UBE2L3: variants seen among roughly 807,000 people sequenced by gnomAD.
UBE2L3 encodes the protein ubiquitin-conjugating enzyme E2 L3.
A neutral mutation model predicts 17.8 loss-of-function variants in UBE2L3; 1 was observed. The observed-to-expected ratio is 0.06, with a 90% CI of 0.02 to 0.27. The LOEUF (loss-of-function observed/expected upper bound fraction) is 0.27, where lower values mean the gene tolerates loss of function less well. Among genes scored for constraint, UBE2L3 ranks in the 10% least tolerant of loss-of-function variants. The pLI is 1.00. For missense variants in UBE2L3, 40 were observed against 192.6 expected (o/e 0.21, Z 4.69); for synonymous variants, 44 against 68.5 (o/e 0.64, Z 1.76).
intron 1 of UBE2L3, among the ~76,000 whole-genome samples, chr22:21,556,483 G>A (rs1926229989): frequency 6.6e-6 from 1 of 152,256 alleles, no homozygotes; most frequent in Non-Finnish European, 1.5e-5. Context: ...AGGCTGGAGT[G>A]CAGTGGCGTG....
chr22:21,568,050 C>T, intron 1 of UBE2L3: 4 of 1,279,634 alleles, frequency 3.1e-6, no homozygotes, highest in African/African-American at 3.1e-5. Context: ...CCGCGTCCCC[C>T]TGTCGCGGAG....
intron 1 of UBE2L3, among the ~76,000 whole-genome samples, chr22:21,584,235 T>TG (rs1927811906): frequency 1.4e-5 from 2 of 147,598 alleles, no homozygotes; most frequent in African/African-American, 5.0e-5. Context: ...TGGAGTGCAG[T>TG]GGGGTGATCT....
At chr22:21,608,607 TAG>T (rs1929302167) in intron 2 of UBE2L3, among the ~76,000 whole-genome samples, 1 of 151,990 alleles carries the variant, frequency 6.6e-6, no homozygotes, top group African/African-American at 2.4e-5. Flanking sequence ...GTATTTTTAG[TAG>T]AGACAGGGTT....
intron 2 of UBE2L3, among the ~76,000 whole-genome samples, chr22:21,599,504 G>T (rs1928739572): frequency 6.6e-6 from 1 of 151,952 alleles, no homozygotes; most frequent in Non-Finnish European, 1.5e-5. Flanking sequence ...GGAATCCATG[G>T]TCTCTTAAGC....
At chr22:21,576,594 G>A (rs970757010) in intron 1 of UBE2L3, among the ~76,000 whole-genome samples, 2 of 151,610 alleles carry the variant, frequency 1.3e-5, no homozygotes, top group African/African-American at 4.8e-5. Flanking sequence ...CACCATGCCC[G>A]GCCCCCAATT....
At chr22:21,578,364 GA>G (rs34977459) in intron 1 of UBE2L3, among the ~76,000 whole-genome samples, 32,290 of 127,470 alleles carry the variant, frequency 0.25, 4,102 homozygotes, top group East Asian at 0.53. Context: ...TGTCTCGAAA[GA>G]AAAAAAAAAA....
chr22:21,575,085 C>T (rs1442827849), intron 1 of UBE2L3, among the ~76,000 whole-genome samples: 2 of 150,700 alleles, frequency 1.3e-5, no homozygotes, highest in African/African-American at 2.4e-5. Context: ...GGTGAAACCC[C>T]GTCTCTACTA....
At chr22:21,560,815 A>AG (rs1214621609) in intron 1 of UBE2L3, among the ~76,000 whole-genome samples, 3 of 150,688 alleles carry the variant, frequency 2.0e-5, no homozygotes, top group African/African-American at 7.3e-5. Context: ...CCACTTCCCA[A>AG]AGGCACGAGT....
intron 1 of UBE2L3, among the ~76,000 whole-genome samples, chr22:21,583,998 C>T (rs186474883): frequency 6.8e-4 from 103 of 152,248 alleles, no homozygotes; most frequent in Non-Finnish European, 1.2e-3. Flanking sequence ...GCCTCAGCCT[C>T]CTGAGTAGCT....
At chr22:21,621,426 C>T in intron 3 of UBE2L3, 89 bp from the exon 4 acceptor site, 1 of 1,453,628 alleles carries the variant, frequency 6.9e-7, no homozygotes, top group Non-Finnish European at 9.1e-7. Flanking sequence ...AGTTGTAAAG[C>T]CAGAGTTTTG....
chr22:21,604,859 A>T (rs894286988), intron 2 of UBE2L3, among the ~76,000 whole-genome samples: 4 of 152,220 alleles, frequency 2.6e-5, no homozygotes, highest in Admixed American at 6.5e-5. Context: ...AGAGGCCCAG[A>T]GAAGTTCAGA....
intron 1 of UBE2L3, among the ~76,000 whole-genome samples, chr22:21,591,589 C>T (rs1262101876): frequency 6.6e-6 from 1 of 152,226 alleles, no homozygotes; most frequent in Non-Finnish European, 1.5e-5. Flanking sequence ...CAATTGTTTC[C>T]TTCCCTGCCT....
rs1020727415 is a variant in UBE2L3, at chr22:21,621,954, C to G, written c.*285C>G. On this transcript the variant is annotated 3_prime_UTR_variant, in exon 4 of 4. Transcript: ENST00000342192. ...GTTTCTTTTCTTGTCCAATTTTATC[C>G]AAAATCTTCAAGTTACATTTAACCC... The G allele has an allele frequency of 1.2e-5, 4 of 328,948 alleles. No individual in the cohort carries two copies. In the South Asian group the frequency reaches 1.7e-4, roughly 14 times the overall value. The allele number at this position is 328,948 out of a possible 1,614,324, so 20.4% of individuals were successfully genotyped here.
intron 3 of UBE2L3, among the ~76,000 whole-genome samples, chr22:21,617,903 C>T (rs921958554): frequency 2.6e-5 from 4 of 152,112 alleles, no homozygotes; most frequent in African/African-American, 9.7e-5. Context: ...GACTTGAGGC[C>T]GGGCATGGTG....
intron 1 of UBE2L3, among the ~76,000 whole-genome samples, chr22:21,559,940 C>T (rs1259512518): frequency 6.6e-6 from 1 of 152,288 alleles, no homozygotes; most frequent in Non-Finnish European, 1.5e-5. Flanking sequence ...CTGGGCCCTG[C>T]AGCCTGCCTG....
intron 3 of UBE2L3, among the ~76,000 whole-genome samples, chr22:21,617,841 G>T (rs1390646549): frequency 6.6e-6 from 1 of 152,128 alleles, no homozygotes; most frequent in African/African-American, 2.4e-5. Context: ...CAGGGGAACA[G>T]CGAAAGAATG....
intron 1 of UBE2L3, among the ~76,000 whole-genome samples, chr22:21,591,132 A>G (rs1453455809): frequency 6.6e-6 from 1 of 151,958 alleles, no homozygotes; most frequent in African/African-American, 2.4e-5. Context: ...CAGGTTCCGT[A>G]CCTCCTTATG....
At chr22:21,614,409 G>C in intron 3 of UBE2L3, 1 of 431,934 alleles carries the variant, frequency 2.3e-6, no homozygotes, top group East Asian at 6.0e-5. Context: ...GAGGAACATG[G>C]TGAAACCCCG....
chr22:21,570,659 A>T (rs528323854), intron 1 of UBE2L3, among the ~76,000 whole-genome samples: 138 of 152,166 alleles, frequency 9.1e-4, no homozygotes, highest in Non-Finnish European at 1.5e-3. Context: ...AACACCAGTT[A>T]TGTAATGCTG....
Sources: allele counts gnomAD v4.1 joint callset (sites outside exome capture counted in the v4.1 genomes callset), GRCh38; gene constraint gnomAD v4.1.1; transcripts MANE v1.5; gene names NCBI Gene and HGNC (gene_info 2026-07-23, HGNC 2026-07-21).